Variants in FLACC1 observed in about 807,000 individuals in gnomAD.
FLACC1 encodes flagellum associated containing coiled-coil domains 1, also known as flagellum-associated coiled-coil domain-containing protein 1.
A neutral mutation model predicts 62.8 loss-of-function variants in FLACC1; 66 were observed. The ratio of observed to expected loss-of-function variants is 1.05; its 90% CI spans 0.86 to 1.29. The LOEUF (loss-of-function observed/expected upper bound fraction) is 1.29, where lower values mean the gene tolerates loss of function less well. FLACC1 is among the 50% of genes most tolerant of loss of function. FLACC1 has a pLI of 0.00. For missense variants in FLACC1, 452 were observed against 489.1 expected, an observed-to-expected ratio of 0.92 and a Z score of 0.71; for synonymous variants, 156 against 161.0, an observed-to-expected ratio of 0.97 and a Z score of 0.24.
intron 11 of FLACC1, among the ~76,000 whole-genome samples, chr2:201,303,819 A>T (rs1458110160): frequency 2.0e-5 from 3 of 152,196 alleles, no homozygotes; most frequent in Non-Finnish European, 4.4e-5. Flanking sequence ...ACAGTACCAA[A>T]GACAAAAACC....
chr2:201,288,839 G>C (rs1198624283), intron 14 of FLACC1, 58 bp from the exon 15 acceptor site: 2 of 1,582,142 alleles, frequency 1.3e-6, no homozygotes. Flanking sequence ...AAGGGTATAG[G>C]ATATTTGGAG....
Position 201,288,493 on chromosome 2 carries a change from A to G in FLACC1, c.*162T>C, listed in dbSNP as rs1949640186. ...TGAAGAGTCCGTGATAAGCTGTGAAATTCAGATGCGAATTCAAACATTTTC... is the reference window on the plus strand; with the variant it reads ...TGAAGAGTCCGTGATAAGCTGTGAAGTTCAGATGCGAATTCAAACATTTTC... On this transcript the variant is annotated 3_prime_UTR_variant, in exon 15 of 15. Transcript: ENST00000392257. 1.2e-6 allele frequency: 1 copy of G among 825,658 alleles called. No homozygotes were observed. Among genetic ancestry groups the G allele is most frequent in the Non-Finnish European group, 1.8e-6 (1 of 553,306 alleles). 51.1% of individuals were successfully genotyped at this position (825,658 alleles called of 1,614,324 possible).
chr2:201,289,425 C>T (rs1949674824), intron 14 of FLACC1, 32 bp downstream of exon 14: 1 of 1,598,896 alleles, frequency 6.3e-7, no homozygotes, highest in Non-Finnish European at 8.6e-7. Flanking sequence ...CTAAAGAGAA[C>T]TCAGCTATGT....
intron 11 of FLACC1, 128 bp from the exon 12 acceptor site, chr2:201,299,428 C>A (rs1487615626): frequency 1.5e-6 from 1 of 667,482 alleles, no homozygotes; most frequent in Non-Finnish European, 2.6e-6. Flanking sequence ...TATAATGAAG[C>A]ACACATTATA....
chr2:201,356,524 G>A (rs1432870761), intron 1 of FLACC1, among the ~76,000 whole-genome samples: 1 of 152,204 alleles, frequency 6.6e-6, no homozygotes, highest in Non-Finnish European at 1.5e-5. Flanking sequence ...AGCTTCTTAA[G>A]TGGGAACTAC....
chr2:201,363,412 C>T, the FLACC1 span, among the ~76,000 whole-genome samples: 1 of 151,638 alleles, frequency 6.6e-6, no homozygotes, highest in Non-Finnish European at 1.5e-5. Flanking sequence ...GTGGGAAAGC[C>T]CTCTCCATTT....
chr2:201,301,290 G>T (rs1949976620), intron 11 of FLACC1, among the ~76,000 whole-genome samples: 1 of 152,186 alleles, frequency 6.6e-6, no homozygotes, highest in South Asian at 2.1e-4. Flanking sequence ...GCACGCACAA[G>T]CTTCAGTAGC....
Position 201,351,275 on chromosome 2 carries a change from T to A in FLACC1, c.113+17A>T, listed in dbSNP as rs1559423359. On this transcript the variant is annotated intron_variant, in intron 2 of 14. Coordinates refer to ENST00000392257, the MANE Select transcript of FLACC1 (RefSeq NM_001127391.3). ...TCCCAAGGTCCCTGTGCCTACCCCA[T>A]CCCAGATAATTCTTACTTGGAACTC... The A allele has an allele frequency of 6.3e-7, 1 of 1,578,394 alleles. No homozygotes were observed. Among genetic ancestry groups the A allele is most frequent in the East Asian group, 2.2e-5 (1 of 44,698 alleles).
chr2:201,359,178 C>A (rs762040684), upstream of FLACC1, among the ~76,000 whole-genome samples: 61 of 152,136 alleles, frequency 4.0e-4, no homozygotes, highest in Non-Finnish European at 1.2e-4. Context: ...GGTGATGATT[C>A]CTGGCTTTCC....
chr2:201,337,619 G>T (rs977741941), intron 7 of FLACC1, among the ~76,000 whole-genome samples: 1 of 152,082 alleles, frequency 6.6e-6, no homozygotes, highest in Non-Finnish European at 1.5e-5. Flanking sequence ...GACCATCTGG[G>T]CTCAAGTGAT....
intron 12 of FLACC1, among the ~76,000 whole-genome samples, chr2:201,297,305 A>G (rs1949884821): frequency 6.6e-6 from 1 of 152,172 alleles, no homozygotes; most frequent in Non-Finnish European, 1.5e-5. Flanking sequence ...TGGCTTTTAC[A>G]TCTGTGTGAA....
At chr2:201,297,980 G>T (rs1949901387) in intron 12 of FLACC1, among the ~76,000 whole-genome samples, 1 of 152,160 alleles carries the variant, frequency 6.6e-6, no homozygotes, top group Non-Finnish European at 1.5e-5. Flanking sequence ...CCCCCAGGTA[G>T]GAACATCCTG....
At position 201,300,110 on chromosome 2, in the gene FLACC1, C is replaced by T. The variant is rs902531672; in HGVS notation, c.880-810G>A. Among the ~76,000 whole-genome samples, 10 of 152,272 alleles carry T rather than the reference C, an allele frequency of 6.6e-5. No homozygotes were observed. The South Asian group carries it at 8.3e-4, about 13-fold the overall frequency. On this transcript the variant is annotated intron_variant, in intron 11 of 14. Transcript: ENST00000392257. ...TGGGTGCAGGCCACGGACCGGGAGC[C>T]GAAACAGGGTGGGGCACCGCCTCAC...
At chr2:201,348,498 T>C (rs1950962419) in intron 3 of FLACC1, among the ~76,000 whole-genome samples, 196 bp from the exon 4 acceptor site, 2 of 152,044 alleles carry the variant, frequency 1.3e-5, no homozygotes, top group Non-Finnish European at 2.9e-5. Context: ...CATGAAAAGG[T>C]CCTGCCCAAG....
At chr2:201,299,179 T>C in intron 12 of FLACC1, 59 bp downstream of exon 12, 1 of 1,450,860 alleles carries the variant, frequency 6.9e-7, no homozygotes, top group Non-Finnish European at 9.6e-7. Flanking sequence ...TGACAGCTTG[T>C]TATTTTATTG....
intron 12 of FLACC1, among the ~76,000 whole-genome samples, chr2:201,291,728 G>A (rs542103222): frequency 1.2e-4 from 19 of 152,224 alleles, no homozygotes; most frequent in South Asian, 2.1e-4. Context: ...AAACTACTCC[G>A]AGCTAAAGGA....
At chr2:201,308,227 C>A (rs931084413) in intron 10 of FLACC1, among the ~76,000 whole-genome samples, 2 of 152,194 alleles carry the variant, frequency 1.3e-5, no homozygotes, top group Non-Finnish European at 2.9e-5. Flanking sequence ...GCGGTTACAT[C>A]TTTACTTAGA....
At chr2:201,348,579 C>T (rs1950963828) in intron 3 of FLACC1, among the ~76,000 whole-genome samples, 1 of 152,122 alleles carries the variant, frequency 6.6e-6, no homozygotes, top group East Asian at 1.9e-4. Flanking sequence ...GCTAGAGGGA[C>T]CCCTACATAT....
intron 11 of FLACC1, among the ~76,000 whole-genome samples, chr2:201,305,761 T>A (rs1950089675): frequency 1.3e-5 from 2 of 152,094 alleles, no homozygotes; most frequent in Admixed American, 1.3e-4. Context: ...GCCATAATAA[T>A]GGATGAGCTC....
Sources: allele counts gnomAD v4.1 joint callset (sites outside exome capture counted in the v4.1 genomes callset), GRCh38; gene constraint gnomAD v4.1.1; transcripts MANE v1.5; gene names NCBI Gene and HGNC (gene_info 2026-07-23, HGNC 2026-07-21).